Variants in PDE1A observed in about 807,000 individuals in gnomAD.
PDE1A encodes the protein dual specificity calcium/calmodulin-dependent 3',5'-cyclic nucleotide phosphodiesterase 1A.
A neutral mutation model predicts 61.7 loss-of-function variants in PDE1A; 35 were observed. The observed-to-expected ratio is 0.57, with a 90% CI of 0.43 to 0.75. The LOEUF is 0.75. PDE1A is among the 30% of genes least tolerant of loss of function. The pLI is 0.00. For synonymous variants in PDE1A, 232 were observed against 213.2 expected (o/e 1.09, Z -0.77); for missense variants, 597 against 630.6 (o/e 0.95, Z 0.57).
At chr2:182,235,754 C>G (rs538187949) in intron 3 of PDE1A, among the ~76,000 whole-genome samples, 23 of 152,264 alleles carry the variant, frequency 1.5e-4, no homozygotes, top group African/African-American at 5.5e-4. Flanking sequence ...TACAAAAGGC[C>G]TGGACAATGC....
chr2:182,186,557 A>G (rs200245694), exon 12 of PDE1A: 1 of 1,612,532 alleles, frequency 6.2e-7, no homozygotes, highest in East Asian at 2.2e-5. Context: ...TCAGAAGAGA[A>G]AATGTTGGCT....
chr2:182,514,675 T>C (rs1417919431), intron 2 of PDE1A, among the ~76,000 whole-genome samples: 1 of 152,140 alleles, frequency 6.6e-6, no homozygotes. Flanking sequence ...AACTCGAGAT[T>C]GATTAAAGAC....
At chr2:182,572,825 C>T in the PDE1A span, among the ~76,000 whole-genome samples, 8 of 146,572 alleles carry the variant, frequency 5.5e-5, no homozygotes, top group South Asian at 4.3e-4. Context: ...GCCAAGATTG[C>T]GCCACTGCAC....
intron 1 of PDE1A, among the ~76,000 whole-genome samples, chr2:182,397,703 A>C (rs1701786967): frequency 6.6e-6 from 1 of 152,072 alleles, no homozygotes; most frequent in Non-Finnish European, 1.5e-5. Context: ...TTAGTACTGG[A>C]GTCACATGTA....
chr2:182,707,885 G>A, the PDE1A span, among the ~76,000 whole-genome samples: 3 of 152,150 alleles, frequency 2.0e-5, no homozygotes, highest in Non-Finnish European at 4.4e-5. Flanking sequence ...ATAAGGAGAG[G>A]TTGGGTAAGA....
chr2:182,384,146 C>A (rs1700889961), intron 1 of PDE1A, among the ~76,000 whole-genome samples: 1 of 152,220 alleles, frequency 6.6e-6, no homozygotes, highest in Non-Finnish European at 1.5e-5. Context: ...TGGCCCATCC[C>A]AGTGCCATGC....
the PDE1A span, among the ~76,000 whole-genome samples, chr2:182,572,623 G>C: frequency 0.095 from 14,473 of 152,024 alleles, 2,237 homozygotes; most frequent in African/African-American, 0.33. Flanking sequence ...TGGCTCACGC[G>C]AGTAATTCCA....
intron 13 of PDE1A, among the ~76,000 whole-genome samples, chr2:182,155,730 A>G (rs1007007458): frequency 1.3e-5 from 2 of 152,176 alleles, no homozygotes; most frequent in Non-Finnish European, 2.9e-5. Context: ...TCTCTACTAA[A>G]AATACAGAAA....
At chr2:182,228,843 T>C (rs1689342010) in intron 6 of PDE1A, among the ~76,000 whole-genome samples, 1 of 152,146 alleles carries the variant, frequency 6.6e-6, no homozygotes, top group South Asian at 2.1e-4. Context: ...AAGAGGCCAG[T>C]GACACATTTT....
the PDE1A span, among the ~76,000 whole-genome samples, chr2:182,695,704 GAA>G: frequency 1.5e-5 from 2 of 136,550 alleles, no homozygotes; most frequent in Non-Finnish European, 3.2e-5. Context: ...AAAAGAAAAA[GAA>G]AAAAAAAGAA....
rs1476876686 is a variant in PDE1A, at chr2:182,263,789, C to CAACT, written c.167+508_167+511dup. ...AAGTCCCCCTTTCCTAATCTCCTTA[C>CAACT]AACTGCTAATTATGAGGCTAGGTTT... On this transcript the variant is annotated intron_variant, in intron 2 of 13. Coordinates refer to ENST00000351439, the Ensembl canonical transcript of PDE1A. Among the ~76,000 whole-genome samples, 9 of 152,294 alleles carry CAACT rather than the reference C, an allele frequency of 5.9e-5. No homozygotes were observed. The East Asian group carries it at 1.7e-3, about 29-fold the overall frequency.
At chr2:182,503,068 CACACAT>C (rs753621563) in intron 2 of PDE1A, among the ~76,000 whole-genome samples, 1,455 of 22,444 alleles carry the variant, frequency 0.065, 26 homozygotes, top group East Asian at 0.44. Context: ...CACACACACA[CACACAT>C]ACACACACAC....
intron 2 of PDE1A, among the ~76,000 whole-genome samples, chr2:182,439,989 GC>G (rs1238375928): frequency 6.6e-6 from 1 of 151,996 alleles, no homozygotes; most frequent in Non-Finnish European, 1.5e-5. Flanking sequence ...AAGAAAAGTT[GC>G]CCTAATTGTG....
At chr2:182,214,241 C>T (rs1317505996) in intron 7 of PDE1A, among the ~76,000 whole-genome samples, 24 of 151,568 alleles carry the variant, frequency 1.6e-4, no homozygotes, top group African/African-American at 5.8e-4. Context: ...ACCAGGCCTG[C>T]CCTAAAAGAG....
At position 182,178,385 on chromosome 2, in the gene PDE1A, C is replaced by T. The variant is rs183646658; in HGVS notation, c.1516+7507G>A. On this transcript the variant is annotated intron_variant, in intron 13 of 13. Transcript: ENST00000351439. ...ATTGGAGGAGGGAAAAGCTTAACTC[C>T]TTACCCTTCCAGTGACATATTTTTC... is the stretch of plus-strand genomic sequence containing the variant. Among the ~76,000 whole-genome samples, 152 of 152,198 alleles carry T rather than the reference C, an allele frequency of 1.0e-3. 1 individual carries two copies. The highest frequency in any genetic ancestry group is 3.1e-3 in the South Asian group (15 of 4,824).
At chr2:182,328,831 T>C (rs1405554148) in intron 1 of PDE1A, among the ~76,000 whole-genome samples, 2 of 152,178 alleles carry the variant, frequency 1.3e-5, no homozygotes, top group Non-Finnish European at 2.9e-5. Context: ...TAAGGGTCTC[T>C]GCATTATTTA....
intron 7 of PDE1A, among the ~76,000 whole-genome samples, chr2:182,214,478 T>A (rs1559198840): frequency 6.6e-6 from 1 of 151,802 alleles, no homozygotes; most frequent in Non-Finnish European, 1.5e-5. Context: ...GCAAATTGGA[T>A]AAAGAGTCAA....
chr2:182,386,557 C>T (rs961892797), intron 1 of PDE1A, among the ~76,000 whole-genome samples: 1 of 145,298 alleles, frequency 6.9e-6, no homozygotes, highest in African/African-American at 2.6e-5. Context: ...AGTGAGGAGC[C>T]CCTCCGCCCA....
chr2:182,566,069 C>T, the PDE1A span, among the ~76,000 whole-genome samples: 3 of 152,080 alleles, frequency 2.0e-5, no homozygotes, highest in Non-Finnish European at 4.4e-5. Context: ...CAAGAGATTT[C>T]AAGGGTGGTT....
Sources: gnomAD v4.1 joint callset for allele counts (sites outside exome capture counted in the v4.1 genomes callset) on GRCh38, gnomAD v4.1.1 for gene constraint, MANE v1.5 for transcripts, NCBI Gene and HGNC (gene_info 2026-07-23, HGNC 2026-07-21) for gene names.